ARSH: variants seen among roughly 807,000 people sequenced by gnomAD.
ARSH encodes the protein arylsulfatase H.
Under a neutral mutation model 28.7 loss-of-function variants are expected in ARSH, and 32 were observed. The observed-to-expected ratio is 1.11, with a 90% confidence interval of 0.84 to 1.50. ARSH has a LOEUF of 1.50. Ranked by LOEUF, ARSH falls within the 40% of genes most tolerant of loss-of-function variation. The pLI is 0.00. For synonymous variants in ARSH, 176 were observed against 177.3 expected (o/e 0.99, Z 0.06); for missense variants, 440 against 452.4 (o/e 0.97, Z 0.25).
At chrX:3,026,159 G>C in intron 6 of ARSH, among the ~76,000 whole-genome samples, 1 of 111,196 alleles carries the variant, frequency 9.0e-6, no homozygotes, top group East Asian at 2.8e-4. Flanking sequence ...CAGTGAGCTT[G>C]TCGAGTTTTT....
At position 3,027,244 on chromosome X, in the gene ARSH, G is replaced by A. The variant is rs1178733605; in HGVS notation, c.1037-69G>A. On this transcript the variant is annotated intron_variant, in intron 6 of 8. Coordinates refer to ENST00000381130, the MANE Select transcript of ARSH (RefSeq NM_001011719.2). ...CAAAGTGCTGGGATTACAGGCGTGA[G>A]CCACCGTGCCCGGCCAATATGGTTG... 1.6e-5 allele frequency: 18 copies of A among 1,134,363 alleles called. No homozygotes were observed. The East Asian group carries it at 3.6e-4, about 23-fold the overall frequency. The allele number at this position is 1,134,363 out of a possible 1,213,427, so 93.5% of individuals were successfully genotyped here. A position where few individuals can be genotyped will look rare whatever the true frequency, so the allele number is the denominator to read the frequency against.
intron 2 of ARSH, among the ~76,000 whole-genome samples, chrX:3,012,347 G>T (rs1465379461): frequency 9.8e-6 from 1 of 102,244 alleles, no homozygotes; most frequent in African/African-American, 3.6e-5. Flanking sequence ...AGACCAGCCC[G>T]GCCAACATAG....
Position 3,013,084 on chromosome X carries a change from G to A in ARSH, c.252G>A (p.Thr84=), listed in dbSNP as rs778974975. The A allele has an allele frequency of 5.8e-6, 7 of 1,209,093 alleles. No homozygotes were observed. In the African/African-American group the frequency reaches 1.2e-4, roughly 21 times the overall value. ...CCTACAACCTGAACCGTGCCTTCAC[G>A]TGGCTTGGTGGGTCAGGTGGTCTTC... ...VSAYNLNRAF[T]WLGGSGGLPT... is the part of the protein sequence containing the mutation. Residue 84 remains threonine, a synonymous_variant, in exon 3 of 9, where the codon ACG becomes ACA. Transcript: ENST00000381130.
chrX:3,012,146 CATTT>C (rs2089848559), intron 2 of ARSH, among the ~76,000 whole-genome samples: 1 of 111,953 alleles, frequency 8.9e-6, no homozygotes, highest in Non-Finnish European at 1.9e-5. Flanking sequence ...CTGAAATTAT[CATTT>C]ATTTATTTCT....
chrX:3,019,409 T>G (rs1028805933), intron 5 of ARSH, among the ~76,000 whole-genome samples: 23 of 111,757 alleles, frequency 2.1e-4, no homozygotes, highest in Non-Finnish European at 2.3e-4. Flanking sequence ...TAAAGCAACT[T>G]ATTTCAAAGG....
chrX:3,008,497 CTTTCTTTCTT>C (rs1467238139), intron 1 of ARSH, among the ~76,000 whole-genome samples: 1 of 97,095 alleles, frequency 1.0e-5, no homozygotes, highest in African/African-American at 3.8e-5. Context: ...TTCTTTCTTT[CTTTCTTTCTT>C]TCTTTCTTCC....
At chrX:3,019,243 T>C (rs2089874481) in intron 5 of ARSH, among the ~76,000 whole-genome samples, 1 of 88,911 alleles carries the variant, frequency 1.1e-5, no homozygotes, top group East Asian at 3.5e-4. Flanking sequence ...CCAGCCTGAG[T>C]GACACAGCGA....
chrX:3,025,559 C>T (rs914315676), intron 6 of ARSH, among the ~76,000 whole-genome samples: 2 of 97,312 alleles, frequency 2.1e-5, no homozygotes, highest in Non-Finnish European at 4.1e-5. Context: ...TATATATATT[C>T]ACTATATTCA....
intron 5 of ARSH, among the ~76,000 whole-genome samples, chrX:3,023,277 TA>T (rs2089889338): frequency 9.5e-6 from 1 of 105,156 alleles, no homozygotes; most frequent in South Asian, 4.0e-4. Flanking sequence ...AAATTTATGA[TA>T]AAATTTAATA....
At chrX:3,013,810 G>A (rs777050105) in intron 3 of ARSH, among the ~76,000 whole-genome samples, 1 of 111,162 alleles carries the variant, frequency 9.0e-6, no homozygotes, top group African/African-American at 3.3e-5. Context: ...TAAAAAAAAG[G>A]TTAAGAAATT....
intron 2 of ARSH, among the ~76,000 whole-genome samples, 178 bp downstream of exon 2, chrX:3,010,329 T>C (rs1024328902): frequency 8.9e-6 from 1 of 112,143 alleles, no homozygotes; most frequent in Non-Finnish European, 1.9e-5. Flanking sequence ...CAGGTACCAC[T>C]GCACCTGCTC....
At chrX:3,007,117 C>T (rs2089830155) in intron 1 of ARSH, among the ~76,000 whole-genome samples, 1 of 109,089 alleles carries the variant, frequency 9.2e-6, no homozygotes, top group Admixed American at 9.9e-5. Context: ...GACATGGTGG[C>T]GTGTGTCTGT....
chrX:3,031,274 A>G (rs747275622), intron 8 of ARSH, among the ~76,000 whole-genome samples: 115 of 112,066 alleles, frequency 1.0e-3, no homozygotes, highest in Non-Finnish European at 2.0e-3. Flanking sequence ...ATGAATACCC[A>G]CAGCTTAGGG....
intron 5 of ARSH, among the ~76,000 whole-genome samples, chrX:3,022,946 C>T (rs973065895): frequency 9.1e-6 from 1 of 109,555 alleles, no homozygotes; most frequent in African/African-American, 3.3e-5. Flanking sequence ...ACTGCTGGGC[C>T]TTCTTGGCAC....
chrX:3,033,042 ATG>A lies in ARSH; in HGVS notation c.1349_1350del (p.Val450AspfsTer3), dbSNP rs754287308. The stretch of plus-strand genomic sequence containing the variant: ...GGTGCAACTGTGTGGAAAGCTCATT[ATG>A]TGACTCCTAAATTCTACCCTGAAGG... On this transcript the variant is annotated frameshift_variant, in exon 9 of 9. Transcript: ENST00000381130. LOFTEE classifies it low-confidence loss of function (END_TRUNC). 1 of 1,210,687 alleles carries A rather than the reference ATG, an allele frequency of 8.3e-7. No homozygotes were observed. Among genetic ancestry groups the A allele is most frequent in the Non-Finnish European group, 1.1e-6 (1 of 894,865 alleles).
At position 3,030,736 on chromosome X, in the gene ARSH, G is replaced by A. The variant is rs1252797288; in HGVS notation, c.1321+1368G>A. ...CTTGGCTCTGCCCTTGACATATGGG[G>A]ATTATTACAACTCAAGGTGAGATTA... is the stretch of plus-strand genomic sequence containing the variant. On this transcript the variant is annotated intron_variant, in intron 8 of 8. Transcript: ENST00000381130. Among the ~76,000 whole-genome samples, 3 of 111,699 alleles carry A rather than the reference G, an allele frequency of 2.7e-5. No individual in the cohort carries two copies. In the East Asian group the frequency reaches 8.5e-4, roughly 32 times the overall value.
chrX:3,024,753 T>C (rs958796539), intron 6 of ARSH, among the ~76,000 whole-genome samples: 2 of 111,359 alleles, frequency 1.8e-5, no homozygotes, highest in Non-Finnish European at 3.8e-5. Context: ...TAGCTCCTCA[T>C]GGCCAGCAGA....
intron 2 of ARSH, among the ~76,000 whole-genome samples, chrX:3,012,596 TATA>T (rs1451836821): frequency 1.7e-3 from 40 of 24,155 alleles, no homozygotes; most frequent in African/African-American, 6.4e-3. Flanking sequence ...TATATATATA[TATA>T]ATATATATAT....
intron 5 of ARSH, among the ~76,000 whole-genome samples, chrX:3,021,901 G>GTGTA (rs2089885470): frequency 9.3e-6 from 1 of 107,541 alleles, no homozygotes; most frequent in African/African-American, 3.4e-5. Context: ...GTGTGTGTGT[G>GTGTA]TGTGTGTGTG....
Sources: allele counts gnomAD v4.1 joint callset (sites outside exome capture counted in the v4.1 genomes callset), GRCh38; gene constraint gnomAD v4.1.1; transcripts MANE v1.5; gene names NCBI Gene and HGNC (gene_info 2026-07-23, HGNC 2026-07-21).